ATP10A: variants seen among roughly 807,000 people sequenced by gnomAD.
The protein encoded by ATP10A is phospholipid-transporting ATPase VA.
ATP10A carries 111 observed loss-of-function variants against 147.8 expected under a neutral mutation model. That is an observed-to-expected ratio of 0.75 (90% confidence interval 0.64 to 0.88). The LOEUF (loss-of-function observed/expected upper bound fraction) is 0.88, where lower values mean the gene tolerates loss of function less well. Ranked by LOEUF, ATP10A falls within the 40% of genes least tolerant of loss-of-function variation. The probability of loss-of-function intolerance (pLI) is 0.00; values close to 1 mark genes in which losing one functional copy is unlikely to be tolerated. For missense variants in ATP10A, 1,927 were observed against 1,959.0 expected (o/e 0.98, Z 0.31); for synonymous variants, 875 against 841.6 (o/e 1.04, Z -0.69).
chr15:25,852,789 T>C (rs753910835), intron 1 of ATP10A, among the ~76,000 whole-genome samples: 32 of 152,178 alleles, frequency 2.1e-4, no homozygotes, highest in Non-Finnish European at 4.3e-4. Context: ...TTACTACCCC[T>C]GTACAATCAT....
At chr15:25,775,681 A>G (rs1323541177) in intron 2 of ATP10A, among the ~76,000 whole-genome samples, 1 of 152,272 alleles carries the variant, frequency 6.6e-6, no homozygotes, top group Non-Finnish European at 1.5e-5. Context: ...AGCGCTGCAC[A>G]GAGGACGTGG....
At chr15:25,856,434 C>A (rs1019892199) in intron 1 of ATP10A, among the ~76,000 whole-genome samples, 5 of 152,104 alleles carry the variant, frequency 3.3e-5, no homozygotes, top group Non-Finnish European at 5.9e-5. Flanking sequence ...TTATAAATTA[C>A]CCAGTCTTGG....
chr15:25,721,820 G>C lies in ATP10A; in HGVS notation c.1200C>G (p.Asp400Glu), dbSNP rs542299949. The C allele has an allele frequency of 6.2e-7, 1 of 1,614,098 alleles. No individual in the cohort carries two copies. The highest frequency in any genetic ancestry group is 8.5e-7 in the Non-Finnish European group (1 of 1,180,016). ...YFINQDMQLY[D>E]EETDSQLQCR... ...ACTGCAGCTGCGAGTCTGTTTCTTC[G>C]TCATACAACTGCATGTCCTGGTTAA... Residue 400 changes from aspartate (D) to glutamate (E), a missense_variant, in exon 7 of 21, where the codon GAC becomes GAG. By Grantham distance (45) the Asp-to-Glu change is conservative (BLOSUM62 2). Coordinates refer to ENST00000555815, the MANE Select transcript of ATP10A (RefSeq NM_024490.4).
At chr15:25,845,192 G>A (rs1398707307) in intron 1 of ATP10A, among the ~76,000 whole-genome samples, 2 of 152,206 alleles carry the variant, frequency 1.3e-5, no homozygotes, top group African/African-American at 4.8e-5. Flanking sequence ...TGACTGCCAG[G>A]AATCTGGGCA....
At chr15:25,675,149 G>A (rs1351462284), downstream of ATP10A, among the ~76,000 whole-genome samples, 1 of 152,176 alleles carries the variant, frequency 6.6e-6, no homozygotes, top group Non-Finnish European at 1.5e-5. Flanking sequence ...TACTGGTTGG[G>A]CCTGAGCCTG....
At chr15:25,821,853 G>A (rs1891906249) in intron 1 of ATP10A, among the ~76,000 whole-genome samples, 2 of 152,120 alleles carry the variant, frequency 1.3e-5, no homozygotes, top group African/African-American at 4.8e-5. Flanking sequence ...TGCAAATGAT[G>A]GCTGTTTTCT....
chr15:25,743,583 A>G (rs185118225), intron 2 of ATP10A, among the ~76,000 whole-genome samples: 191 of 152,368 alleles, frequency 1.3e-3, no homozygotes, highest in African/African-American at 4.5e-3. Flanking sequence ...AGTGGAGCTC[A>G]TGAGACACAT....
chr15:25,822,287 T>C (rs775886866), intron 1 of ATP10A, among the ~76,000 whole-genome samples: 1 of 152,194 alleles, frequency 6.6e-6, no homozygotes, highest in Non-Finnish European at 1.5e-5. Context: ...TACAAATATA[T>C]GTTGTAGGAT....
At chr15:25,824,941 G>A (rs1284344176) in intron 1 of ATP10A, among the ~76,000 whole-genome samples, 4 of 151,966 alleles carry the variant, frequency 2.6e-5, no homozygotes, top group African/African-American at 7.3e-5. Flanking sequence ...CAGGAGGTTC[G>A]CTTAAGCCCA....
intron 10 of ATP10A, chr15:25,708,960 C>T (rs916110674): frequency 2.6e-5 from 4 of 152,324 alleles, no homozygotes; most frequent in South Asian, 2.1e-4. Context: ...TCATGAGGCC[C>T]GTGGCCCAGG....
intron 10 of ATP10A, among the ~76,000 whole-genome samples, chr15:25,713,335 A>G (rs1901557195): frequency 6.6e-6 from 1 of 152,202 alleles, no homozygotes; most frequent in Non-Finnish European, 1.5e-5. Flanking sequence ...TCTCTGCTGC[A>G]CCAGGTCCAC....
At chr15:25,687,583 G>T in intron 16 of ATP10A, 120 bp downstream of exon 16, 1 of 490,042 alleles carries the variant, frequency 2.0e-6, no homozygotes, top group Non-Finnish European at 2.7e-6. Flanking sequence ...AGGCGAAGGA[G>T]GATGGAGCAG....
At chr15:25,705,440 C>CAAAAAAAAAAAAAAA (rs67294220) in intron 12 of ATP10A, among the ~76,000 whole-genome samples, 4 of 86,200 alleles carry the variant, frequency 4.6e-5, no homozygotes, top group African/African-American at 1.0e-4. Flanking sequence ...TGTCTCAAAG[C>CAAAAAAAAAAAAAAA]AAAAAAAAAA....
At chr15:25,828,687 T>C (rs1892222869) in intron 1 of ATP10A, among the ~76,000 whole-genome samples, 1 of 152,240 alleles carries the variant, frequency 6.6e-6, no homozygotes, top group Admixed American at 6.5e-5. Context: ...TCATTTGTAT[T>C]GCTTTATCCA....
chr15:25,775,633 C>T (rs891501450), intron 2 of ATP10A, among the ~76,000 whole-genome samples: 3 of 152,276 alleles, frequency 2.0e-5, no homozygotes, highest in Non-Finnish European at 2.9e-5. Flanking sequence ...GAGTCAGCAG[C>T]AGATCTTCCT....
intron 1 of ATP10A, among the ~76,000 whole-genome samples, chr15:25,820,511 T>A (rs17116220): frequency 0.35 from 52,696 of 151,940 alleles, 10,437 homozygotes; most frequent in African/African-American, 0.54. Context: ...TGACAATAAT[T>A]CTAAAACTTA....
intron 1 of ATP10A, among the ~76,000 whole-genome samples, chr15:25,785,325 T>TGC (rs1890106998): frequency 1.3e-5 from 2 of 151,972 alleles, no homozygotes; most frequent in East Asian, 3.9e-4. Context: ...AGCAGAGGCG[T>TGC]GCGCACACAG....
At chr15:25,685,511 C>T (rs1375110479) in intron 16 of ATP10A, among the ~76,000 whole-genome samples, 1 of 152,168 alleles carries the variant, frequency 6.6e-6, no homozygotes, top group East Asian at 1.9e-4. Context: ...GCTGGCTCAA[C>T]TCACAGGCTT....
chr15:25,718,235 C>T lies in ATP10A; in HGVS notation c.1528G>A (p.Glu510Lys), dbSNP rs559836413. Reference protein sequence around the residue: ...KSHRRTGSRAEAKRASMLSKH... With the variant: ...KSHRRTGSRAKAKRASMLSKH... ...GACAGCATGCTGGCCCTCTTGGCCT[C>T]GGCCCGGCTGCCCGTGCGCCGGTGG... The change falls in exon 8 of 21, where the codon GAG (glutamate) becomes AAG (lysine). Residue 510 changes from glutamate to lysine, a missense_variant. Glu to Lys is a moderately conservative substitution (Grantham distance 56). Coordinates refer to ENST00000555815, the MANE Select transcript of ATP10A (RefSeq NM_024490.4). 3 of 1,613,028 alleles carry T rather than the reference C, an allele frequency of 1.9e-6. No homozygotes were observed. Among genetic ancestry groups the T allele is most frequent in the South Asian group, 2.2e-5 (2 of 91,052 alleles).
Sources: allele counts gnomAD v4.1 joint callset (sites outside exome capture counted in the v4.1 genomes callset), GRCh38; gene constraint gnomAD v4.1.1; transcripts MANE v1.5; gene names NCBI Gene and HGNC (gene_info 2026-07-23, HGNC 2026-07-21).